The following INVS variants were observed in gnomAD, a reference collection of about 807,000 sequenced individuals.
INVS encodes inversin.
Under a neutral mutation model 108.8 loss-of-function variants are expected in INVS, and 86 were observed. That is an observed-to-expected ratio of 0.79 (90% CI 0.66 to 0.95). The LOEUF (loss-of-function observed/expected upper bound fraction) is 0.95. Among genes scored for constraint, INVS ranks in the 40% least tolerant of loss-of-function variants. The probability of loss-of-function intolerance (pLI) is 0.00; values close to 1 mark genes in which losing one functional copy is unlikely to be tolerated. For synonymous variants in INVS, 455 were observed against 473.5 expected, an observed-to-expected ratio of 0.96 and a Z score of 0.51; for missense variants, 1,169 against 1,297.4, an observed-to-expected ratio of 0.90 and a Z score of 1.52.
At chr9:100,271,105 G>A (rs1021725043) in intron 11 of INVS, among the ~76,000 whole-genome samples, 1 of 152,162 alleles carries the variant, frequency 6.6e-6, no homozygotes, top group Non-Finnish European at 1.5e-5. Context: ...AAGACTCAAT[G>A]TTCCTCCTAC....
At chr9:100,175,226 T>C in intron 3 of INVS, 1 of 585,904 alleles carries the variant, frequency 1.7e-6, no homozygotes. Flanking sequence ...CTCTGAAGCA[T>C]CCAACTGTAA....
In INVS at chr9:100,299,555, A is replaced by AACACACACACACACACACACAC. The variant is rs55800849; in HGVS notation, c.3092-999_3092-978dup. On this transcript the variant is annotated intron_variant, in intron 16 of 16. Transcript: ENST00000262457. ...TCAGCAGAGCCTTTTATTGACACAC[A>AACACACACACACACACACACAC]ACACACACACACACACACACACACA... is the stretch of plus-strand genomic sequence containing the variant. Among the ~76,000 whole-genome samples, 202 of 125,726 alleles carry AACACACACACACACACACACAC rather than the reference A, an allele frequency of 1.6e-3. 1 individual carries two copies. The highest frequency in any genetic ancestry group is 3.9e-3 in the Middle Eastern group (1 of 254). The allele number at this position is 125,726 out of a possible 152,430, so 82.5% of individuals were successfully genotyped here. A position where few individuals can be genotyped will look rare whatever the true frequency, so the allele number is the denominator to read the frequency against.
intron 3 of INVS, chr9:100,176,173 A>G (rs960806777): frequency 5.3e-6 from 2 of 376,786 alleles, no homozygotes; most frequent in African/African-American, 2.1e-5. Flanking sequence ...TTCTGCCTTC[A>G]TATCTTTGTT....
At chr9:100,198,496 G>A (rs1022298159) in intron 3 of INVS, among the ~76,000 whole-genome samples, 2 of 150,744 alleles carry the variant, frequency 1.3e-5, no homozygotes, top group Admixed American at 6.6e-5. Flanking sequence ...TCTCCATGTT[G>A]GTCAGGCTGG....
chr9:100,205,666 AATC>A (rs1830652517), intron 3 of INVS, among the ~76,000 whole-genome samples: 1 of 151,834 alleles, frequency 6.6e-6, no homozygotes, highest in East Asian at 1.9e-4. Flanking sequence ...TTCTATTCCA[AATC>A]ATCAATAATA....
intron 3 of INVS, among the ~76,000 whole-genome samples, chr9:100,193,118 C>T (rs1212337811): frequency 2.6e-5 from 4 of 151,884 alleles, no homozygotes; most frequent in Admixed American, 6.6e-5. Flanking sequence ...GCTGGTACTA[C>T]AGGCATGTGC....
chr9:100,225,064 T>G (rs546241145), intron 3 of INVS, among the ~76,000 whole-genome samples: 11 of 148,084 alleles, frequency 7.4e-5, no homozygotes, highest in South Asian at 6.3e-4. Context: ...GTTTTTTTGT[T>G]TTTTTTTTTT....
intron 3 of INVS, among the ~76,000 whole-genome samples, chr9:100,222,715 G>C (rs576790933): frequency 6.6e-6 from 1 of 151,950 alleles, no homozygotes; most frequent in South Asian, 2.1e-4. Context: ...TATCTTTAAA[G>C]GTCATGATGA....
intron 3 of INVS, among the ~76,000 whole-genome samples, chr9:100,142,516 C>T (rs1331206989): frequency 1.3e-5 from 2 of 152,018 alleles, no homozygotes; most frequent in Non-Finnish European, 2.9e-5. Flanking sequence ...TCAGGTGGAT[C>T]AGAGAGATAC....
chr9:100,170,777 A>G (rs1829513242), intron 3 of INVS, among the ~76,000 whole-genome samples: 1 of 152,180 alleles, frequency 6.6e-6, no homozygotes, highest in African/African-American at 2.4e-5. Context: ...TATTCACTCA[A>G]CAAATATTTG....
chr9:100,254,148 G>T (rs1226836961), intron 10 of INVS, among the ~76,000 whole-genome samples: 2 of 152,206 alleles, frequency 1.3e-5, no homozygotes, highest in Non-Finnish European at 2.9e-5. Context: ...GTTTTGATTT[G>T]CATTTCTCTG....
At chr9:100,254,136 T>C (rs1302433737) in intron 10 of INVS, among the ~76,000 whole-genome samples, 1 of 152,182 alleles carries the variant, frequency 6.6e-6, no homozygotes, top group East Asian at 1.9e-4. Context: ...TATCTCATTG[T>C]GGTTTTGATT....
intron 3 of INVS, among the ~76,000 whole-genome samples, chr9:100,156,135 A>T (rs1828970779): frequency 6.6e-6 from 1 of 152,100 alleles, no homozygotes; most frequent in Non-Finnish European, 1.5e-5. Context: ...AGCCTACTGG[A>T]GTCATGTCAA....
intron 3 of INVS, among the ~76,000 whole-genome samples, chr9:100,224,136 C>T (rs1037050023): frequency 6.6e-6 from 1 of 152,184 alleles, no homozygotes; most frequent in Non-Finnish European, 1.5e-5. Context: ...TCCTGGGCCA[C>T]GTGCAAGCCA....
chr9:100,227,405 G>A (rs1831362676), intron 4 of INVS, among the ~76,000 whole-genome samples: 1 of 152,174 alleles, frequency 6.6e-6, no homozygotes, highest in African/African-American at 2.4e-5. Flanking sequence ...AGATTGGATT[G>A]CTGACAATGC....
chr9:100,293,149 T>A, intron 14 of INVS, 106 bp downstream of exon 14: 2 of 1,031,332 alleles, frequency 1.9e-6, no homozygotes, highest in Non-Finnish European at 3.0e-6. Context: ...TGTGGTGGCA[T>A]GGTAAGGCCA....
chr9:100,166,560 G>A (rs138497847), intron 3 of INVS, among the ~76,000 whole-genome samples: 183 of 152,280 alleles, frequency 1.2e-3, no homozygotes, highest in African/African-American at 4.1e-3. Flanking sequence ...GCTGCAAGGC[G>A]TAGCATTTTT....
rs534052528 is a variant in INVS at position 100,257,592 on chromosome 9, A to G, written c.1464+4456A>G. ...ACTGCTTCCTTCAGGAACTCTTGTC[A>G]GGCAGGCCTGGTGCTAACAAAATCT... On this transcript the variant is annotated intron_variant, in intron 10 of 16. Transcript: ENST00000262457. 3.3e-5 allele frequency among the ~76,000 whole-genome samples: 5 copies of G among 152,304 alleles called. No homozygotes were observed. In the East Asian group the frequency reaches 9.6e-4, roughly 29 times the overall value.
intron 3 of INVS, among the ~76,000 whole-genome samples, chr9:100,197,082 G>A (rs1830399602): frequency 6.6e-6 from 1 of 152,154 alleles, no homozygotes; most frequent in African/African-American, 2.4e-5. Flanking sequence ...TCAGTGTCCA[G>A]ACTGCCTCAT....
Sources: gnomAD v4.1 joint callset for allele counts (sites outside exome capture counted in the v4.1 genomes callset) on GRCh38, gnomAD v4.1.1 for gene constraint, MANE v1.5 for transcripts, NCBI Gene and HGNC (gene_info 2026-07-23, HGNC 2026-07-21) for gene names.